The following PXK variants were observed in gnomAD, a reference collection of about 807,000 sequenced individuals.
PXK encodes PX domain containing serine/threonine kinase like, also known as PX domain-containing protein kinase-like protein.
In PXK, 35 loss-of-function variants were observed where a neutral mutation model predicts 84.7. That is an observed-to-expected ratio of 0.41 (90% CI 0.32 to 0.55). The LOEUF is 0.55. Ranked by LOEUF, PXK falls within the 20% of genes least tolerant of loss-of-function variation. PXK has a pLI of 0.21. For missense variants in PXK, 634 were observed against 699.7 expected, an observed-to-expected ratio of 0.91 and a Z score of 1.06; for synonymous variants, 253 against 260.8, an observed-to-expected ratio of 0.97 and a Z score of 0.29.
intron 17 of PXK, among the ~76,000 whole-genome samples, chr3:58,417,718 C>A (rs1253123169): frequency 6.6e-6 from 1 of 152,230 alleles, no homozygotes; most frequent in Non-Finnish European, 1.5e-5. Flanking sequence ...TGGTTTATTT[C>A]ATGGTAGTAT....
At chr3:58,335,247 A>G (rs908361558) in intron 1 of PXK, among the ~76,000 whole-genome samples, 5 of 152,300 alleles carry the variant, frequency 3.3e-5, no homozygotes, top group Middle Eastern at 3.4e-3. Context: ...ATGACTGACC[A>G]CAAAAGACAG....
chr3:58,336,904 G>C (rs1333186255), intron 1 of PXK, among the ~76,000 whole-genome samples: 1 of 152,124 alleles, frequency 6.6e-6, no homozygotes, highest in Non-Finnish European at 1.5e-5. Flanking sequence ...CCACCTCCCA[G>C]GTTCAAGCGA....
At chr3:58,357,928 T>C (rs938010032) in intron 1 of PXK, among the ~76,000 whole-genome samples, 3 of 151,224 alleles carry the variant, frequency 2.0e-5, no homozygotes, top group Non-Finnish European at 4.4e-5. Flanking sequence ...CCACTGCATG[T>C]CACTCCAGCC....
At chr3:58,353,163 A>AT (rs1190204101) in intron 1 of PXK, among the ~76,000 whole-genome samples, 1 of 151,868 alleles carries the variant, frequency 6.6e-6, no homozygotes, top group Non-Finnish European at 1.5e-5. Context: ...CGCCCGGCTA[A>AT]TTTTTTGTAT....
chr3:58,336,447 C>A (rs1334429315), intron 1 of PXK, among the ~76,000 whole-genome samples: 1 of 152,104 alleles, frequency 6.6e-6, no homozygotes, highest in Non-Finnish European at 1.5e-5. Flanking sequence ...AGAGCTAGAC[C>A]AGCCCTCTGC....
intron 1 of PXK, among the ~76,000 whole-genome samples, chr3:58,353,770 G>A (rs1293547727): frequency 1.3e-5 from 2 of 152,308 alleles, no homozygotes; most frequent in East Asian, 3.9e-4. Context: ...GCGAAAAGAG[G>A]GGCATAAGTA....
At position 58,402,889 on chromosome 3, in the gene PXK, A is replaced by G. The variant is rs140915443; in HGVS notation, c.1182-973A>G. On this transcript the variant is annotated intron_variant, in intron 12 of 17. Coordinates refer to ENST00000356151, the MANE Select transcript of PXK (RefSeq NM_017771.5). ...AACATGTCATGGGGGTTTGTTGTAC[A>G]TATTTCATCACCCAGCTATTAAGCC... is the stretch of plus-strand genomic sequence containing the variant. Among the ~76,000 whole-genome samples, 256 of 151,538 alleles carry G rather than the reference A, an allele frequency of 1.7e-3. 2 individuals are homozygous for G. Among genetic ancestry groups the G allele is most frequent in the African/African-American group, 5.4e-3 (222 of 41,224 alleles).
chr3:58,384,251 GA>G (rs2098531866), intron 4 of PXK, among the ~76,000 whole-genome samples: 1 of 152,186 alleles, frequency 6.6e-6, no homozygotes, highest in Non-Finnish European at 1.5e-5. Flanking sequence ...CAGACTTCCT[GA>G]ATCAGGATCT....
intron 17 of PXK, chr3:58,422,266 C>T: frequency 2.0e-6 from 2 of 985,408 alleles, no homozygotes; most frequent in Non-Finnish European, 2.4e-6. Flanking sequence ...GACCCCTAGA[C>T]CTCCTCTCCC....
intron 17 of PXK, 180 bp downstream of exon 17, chr3:58,413,143 C>A: frequency 1.5e-6 from 1 of 678,174 alleles, no homozygotes; most frequent in Non-Finnish European, 2.5e-6. Flanking sequence ...GCTAGATTTC[C>A]AAGCTCGGCT....
intron 2 of PXK, among the ~76,000 whole-genome samples, chr3:58,367,469 T>G (rs2098291424): frequency 6.6e-6 from 1 of 152,068 alleles, no homozygotes; most frequent in African/African-American, 2.4e-5. Context: ...ATGTTCTCGA[T>G]GTCCTGACCT....
At chr3:58,402,112 T>C (rs976695158) in intron 12 of PXK, among the ~76,000 whole-genome samples, 11 of 152,106 alleles carry the variant, frequency 7.2e-5, no homozygotes, top group Non-Finnish European at 1.5e-4. Context: ...CACTTATAGC[T>C]GTTTGGGTGC....
In PXK at chr3:58,416,002, A is replaced by G. The variant is rs1431654855; in HGVS notation, c.1528+3039A>G. ...TCTAAGAATTTTGGGGTCAGTAGAA[A>G]AATGCTAACTTGCTAGGGGGAGTGA... On this transcript the variant is annotated intron_variant, in intron 17 of 17. Transcript: ENST00000356151. This position sits in a 1 kb window ranked among gnomAD's most constrained non-coding sequence, Gnocchi z 4.8. 6.6e-6 allele frequency among the ~76,000 whole-genome samples: 1 copy of G among 152,168 alleles called. No individual in the cohort carries two copies. The highest frequency in any genetic ancestry group is 1.5e-5 in the Non-Finnish European group (1 of 68,026).
chr3:58,352,660 A>C (rs2097957049), intron 1 of PXK, among the ~76,000 whole-genome samples: 1 of 152,138 alleles, frequency 6.6e-6, no homozygotes, highest in African/African-American at 2.4e-5. Context: ...GTGTCATTTA[A>C]GGGTCATTAT....
At chr3:58,413,367 G>GT (rs2060493754) in intron 17 of PXK, 1 of 211,706 alleles carries the variant, frequency 4.7e-6, no homozygotes, top group Non-Finnish European at 9.6e-6. Flanking sequence ...TTGTCACAGA[G>GT]CACAACTGGT....
At chr3:58,376,629 ATTATTTAT>A (rs71625619) in intron 3 of PXK, among the ~76,000 whole-genome samples, 1 of 151,426 alleles carries the variant, frequency 6.6e-6, no homozygotes, top group African/African-American at 2.4e-5. Flanking sequence ...ATTACCCTTT[ATTATTTAT>A]TTATTTATTT....
intron 13 of PXK, among the ~76,000 whole-genome samples, 172 bp downstream of exon 13, chr3:58,404,082 A>T (rs4399910): frequency 8.5e-5 from 13 of 152,134 alleles, no homozygotes; most frequent in African/African-American, 3.1e-4. Context: ...TCTATTTGAT[A>T]ATATAATTAA....
intron 1 of PXK, among the ~76,000 whole-genome samples, chr3:58,348,458 G>A (rs545833678): frequency 2.6e-5 from 4 of 152,302 alleles, no homozygotes; most frequent in African/African-American, 7.2e-5. Flanking sequence ...CCTTAGGGCA[G>A]TGCTGTCCAA....
At chr3:58,382,161 C>G (rs1014089293) in intron 3 of PXK, among the ~76,000 whole-genome samples, 1 of 151,912 alleles carries the variant, frequency 6.6e-6, no homozygotes. Context: ...CCTAAAAATA[C>G]AAAAATTAGC....
Sources: allele counts gnomAD v4.1 joint callset (sites outside exome capture counted in the v4.1 genomes callset), GRCh38; gene constraint gnomAD v4.1.1; non-coding constraint Gnocchi (gnomAD v3.1); transcripts MANE v1.5; gene names NCBI Gene and HGNC (gene_info 2026-07-23, HGNC 2026-07-21).